Variants in NRG1 observed in about 807,000 individuals in gnomAD.
The protein encoded by NRG1 is pro-neuregulin-1, membrane-bound isoform.
NRG1 carries 18 observed loss-of-function variants against 63.8 expected under a neutral mutation model. The observed-to-expected ratio is 0.28, with a 90% CI of 0.19 to 0.42. The LOEUF is 0.42. Ranked by LOEUF, NRG1 falls within the 10% of genes least tolerant of loss-of-function variation. The pLI is 1.00. For missense variants in NRG1, 762 were observed against 814.7 expected (o/e 0.94, Z 0.79); for synonymous variants, 302 against 301.3 (o/e 1.00, Z -0.02).
chr8:32,048,975 T>C (rs1363740265), intron 1 of NRG1, among the ~76,000 whole-genome samples: 1 of 152,090 alleles, frequency 6.6e-6, no homozygotes, highest in Non-Finnish European at 1.5e-5. Context: ...AAGAGCATTC[T>C]GTGGCTCCAT....
chr8:31,800,529 A>G (rs1211642939), intron 1 of NRG1, among the ~76,000 whole-genome samples: 1 of 152,204 alleles, frequency 6.6e-6, no homozygotes, highest in African/African-American at 2.4e-5. Flanking sequence ...ACCTAATGAG[A>G]TAAATATTCT....
At chr8:32,085,555 A>G (rs1180053938) in intron 1 of NRG1, among the ~76,000 whole-genome samples, 3 of 152,340 alleles carry the variant, frequency 2.0e-5, no homozygotes, top group Admixed American at 6.5e-5. Flanking sequence ...TGTGATTTCT[A>G]TAAGAATAGT....
At chr8:32,448,501 G>A (rs906542506) in intron 1 of NRG1, among the ~76,000 whole-genome samples, 2 of 152,124 alleles carry the variant, frequency 1.3e-5, no homozygotes, top group Non-Finnish European at 2.9e-5. Flanking sequence ...TAGCTGGCCC[G>A]AGTCTGGGAG....
At chr8:32,173,533 G>A (rs2132031504) in intron 1 of NRG1, among the ~76,000 whole-genome samples, 2 of 152,230 alleles carry the variant, frequency 1.3e-5, no homozygotes, top group South Asian at 2.1e-4. Context: ...CCAATTAAAA[G>A]ACACAGACTG....
At chr8:31,983,910 AAAG>A (rs1809598554) in intron 1 of NRG1, among the ~76,000 whole-genome samples, 1 of 152,096 alleles carries the variant, frequency 6.6e-6, no homozygotes, top group African/African-American at 2.4e-5. Context: ...AAAAAGGAAG[AAAG>A]AAGAATGTCG....
At chr8:31,730,661 A>G (rs1813941466) in intron 1 of NRG1, among the ~76,000 whole-genome samples, 1 of 152,164 alleles carries the variant, frequency 6.6e-6, no homozygotes, top group Non-Finnish European at 1.5e-5. Flanking sequence ...TTAGAAGAAT[A>G]TATGGAGCAT....
chr8:31,691,772 G>A (rs890409117), intron 1 of NRG1, among the ~76,000 whole-genome samples: 2 of 151,986 alleles, frequency 1.3e-5, no homozygotes, highest in African/African-American at 4.8e-5. Flanking sequence ...GAAAAAGTAT[G>A]TAAAAAAATC....
At chr8:32,021,205 G>A (rs1816381563) in intron 1 of NRG1, among the ~76,000 whole-genome samples, 1 of 152,142 alleles carries the variant, frequency 6.6e-6, no homozygotes, top group South Asian at 2.1e-4. Context: ...AAGAACACCT[G>A]AGACTGAGTA....
intron 1 of NRG1, among the ~76,000 whole-genome samples, chr8:31,686,580 C>T (rs1406894181): frequency 1.3e-5 from 2 of 151,914 alleles, no homozygotes; most frequent in African/African-American, 4.8e-5. Context: ...GTTTTGCTGT[C>T]CTATTATTAA....
intron 1 of NRG1, among the ~76,000 whole-genome samples, chr8:32,125,310 C>T (rs1833937332): frequency 6.6e-6 from 1 of 151,916 alleles, no homozygotes; most frequent in Non-Finnish European, 1.5e-5. Flanking sequence ...GCAGAGGTCA[C>T]ATAACAGGTC....
chr8:32,040,743 T>C (rs1303213542), intron 1 of NRG1, among the ~76,000 whole-genome samples: 1 of 8,982 alleles, frequency 1.1e-4, no homozygotes, highest in Non-Finnish European at 5.1e-4. Flanking sequence ...TATATGAAAT[T>C]TAGGCGCATA....
At chr8:32,591,991 G>A (rs751799483) in intron 1 of NRG1, among the ~76,000 whole-genome samples, 36 of 151,404 alleles carry the variant, frequency 2.4e-4, no homozygotes, top group Admixed American at 6.6e-4. Flanking sequence ...ATGCACACAC[G>A]CACACACAGA....
intron 1 of NRG1, among the ~76,000 whole-genome samples, chr8:32,073,722 G>A (rs190378141): frequency 4.6e-5 from 7 of 152,244 alleles, no homozygotes; most frequent in Non-Finnish European, 1.0e-4. Flanking sequence ...TCACATGTTC[G>A]TTGAATGATC....
intron 1 of NRG1, among the ~76,000 whole-genome samples, chr8:32,217,933 A>C (rs1240649716): frequency 1.3e-5 from 2 of 152,202 alleles, no homozygotes; most frequent in African/African-American, 4.8e-5. Flanking sequence ...AGCATTAATA[A>C]TAGGAGGGCT....
intron 1 of NRG1, among the ~76,000 whole-genome samples, chr8:31,979,347 T>G (rs989097534): frequency 9.2e-5 from 14 of 152,122 alleles, no homozygotes; most frequent in Admixed American, 9.2e-4. Flanking sequence ...CTCTAATCAG[T>G]TTTTACTGAT....
chr8:32,727,238 A>G (rs1188540969), intron 5 of NRG1, among the ~76,000 whole-genome samples: 8 of 152,188 alleles, frequency 5.3e-5, no homozygotes, highest in Non-Finnish European at 1.5e-5. Flanking sequence ...TCTACCTCTC[A>G]TTCTAAATGG....
intron 1 of NRG1, among the ~76,000 whole-genome samples, chr8:32,522,311 C>T (rs1205250821): frequency 6.6e-6 from 1 of 152,206 alleles, no homozygotes; most frequent in African/African-American, 2.4e-5. Flanking sequence ...AGTCAGTTTC[C>T]ACATAATGTT....
At chr8:31,889,741 A>T (rs1054228490) in intron 1 of NRG1, among the ~76,000 whole-genome samples, 1 of 152,208 alleles carries the variant, frequency 6.6e-6, no homozygotes, top group African/African-American at 2.4e-5. Flanking sequence ...AACAATCTGC[A>T]TGGGAGGGCA....
At chr8:32,564,075 C>A (rs1836969533) in intron 1 of NRG1, among the ~76,000 whole-genome samples, 1 of 152,050 alleles carries the variant, frequency 6.6e-6, no homozygotes, top group Admixed American at 6.5e-5. Flanking sequence ...TATGATAAAT[C>A]ATTTTGATGG....
Sources: allele counts gnomAD v4.1 joint callset (sites outside exome capture counted in the v4.1 genomes callset), GRCh38; gene constraint gnomAD v4.1.1; transcripts MANE v1.5; gene names NCBI Gene and HGNC (gene_info 2026-07-23, HGNC 2026-07-21).